The following SAA2 variants were observed in gnomAD, a reference collection of about 807,000 sequenced individuals.
SAA2 encodes the protein serum amyloid A2.
Under a neutral mutation model 9.1 loss-of-function variants are expected in SAA2, and 5 were observed. The observed-to-expected ratio is 0.55, with a 90% CI of 0.29 to 1.16. SAA2 has a LOEUF of 1.16. SAA2 is among the 50% of genes most tolerant of loss of function. The probability of loss-of-function intolerance (pLI) is 0.09; values close to 1 mark genes in which losing one functional copy is unlikely to be tolerated. For synonymous variants in SAA2, 49 were observed against 59.8 expected, an observed-to-expected ratio of 0.82 and a Z score of 0.83; for missense variants, 94 against 153.8, an observed-to-expected ratio of 0.61 and a Z score of 2.06.
downstream of SAA2, chr11:18,242,016 C>A (rs1857360033): frequency 1.3e-5 from 2 of 152,134 alleles, no homozygotes; most frequent in South Asian, 4.1e-4. Context: ...TTAAAAATAA[C>A]AAGCAGCTCA....
chr11:18,239,625 C>T (rs1209269870), exon 4 of SAA2: 5 of 416,744 alleles, frequency 1.2e-5, no homozygotes, highest in African/African-American at 4.1e-5. Flanking sequence ...GAATCTGATA[C>T]TACTAATCAA....
At chr11:18,243,274 C>T (rs1857400936), downstream of SAA2, among the ~76,000 whole-genome samples, 1 of 152,084 alleles carries the variant, frequency 6.6e-6, no homozygotes, top group South Asian at 2.1e-4. Flanking sequence ...TTTTGAATAT[C>T]TACAAAGACT....
In SAA2 at chr11:18,246,130, A is replaced by G. The variant is rs1264741068; in HGVS notation, c.92-82T>C. ...CACCTTAGAGGGGAATGAAAGAAGG[A>G]CAAATCTTCCACTGACTTCAAGCTT... On this transcript the variant is annotated intron_variant, in intron 2 of 3. Transcript: ENST00000256733. 24 of 1,496,464 alleles carry G rather than the reference A, an allele frequency of 1.6e-5. 6 individuals are homozygous for G. The highest frequency in any genetic ancestry group is 2.2e-5 in the Non-Finnish European group (24 of 1,097,598). The allele number at this position is 1,496,464 out of a possible 1,614,324, so 92.7% of individuals were successfully genotyped here. A position where few individuals can be genotyped will look rare whatever the true frequency, so the allele number is the denominator to read the frequency against.
chr11:18,246,325 C>G (rs1319818995), intron 2 of SAA2, among the ~76,000 whole-genome samples: 2 of 152,174 alleles, frequency 1.3e-5, no homozygotes, highest in Non-Finnish European at 2.9e-5. Context: ...AATACTGATG[C>G]TGAGAAAGGT....
downstream of SAA2, among the ~76,000 whole-genome samples, chr11:18,244,783 C>A (rs1008434530): frequency 1.3e-5 from 2 of 152,166 alleles, no homozygotes; most frequent in African/African-American, 2.4e-5. Context: ...AAGAGAACTG[C>A]ATTGGAGGTA....
chr11:18,247,912 A>G lies in SAA2; in HGVS notation c.91+9T>C. 1 of 1,613,928 alleles carries G rather than the reference A, an allele frequency of 6.2e-7. No homozygotes were observed. The highest frequency in any genetic ancestry group is 1.3e-5 in the African/African-American group (1 of 75,010). On this transcript the variant is annotated intron_variant, in intron 2 of 3. Coordinates refer to ENST00000256733, the MANE Select transcript of SAA2 (RefSeq NM_030754.5). ...CTTCAGAAATCCTGCAAACCTTCTG[A>G]AGCCTTACCATCAAAAGCCTCGCCA...
chr11:18,246,187 A>C (rs1179000247), intron 2 of SAA2, 139 bp from the exon 3 acceptor site: 32 of 1,367,882 alleles, frequency 2.3e-5, no homozygotes, highest in African/African-American at 2.9e-5. Flanking sequence ...CTTGGATACC[A>C]TGGGTTGAGA....
chr11:18,239,413 G>T, exon 4 of SAA2: 1 of 310,822 alleles, frequency 3.2e-6, no homozygotes, highest in Non-Finnish European at 5.9e-6. Flanking sequence ...TCTTCTAACT[G>T]CTAGTTTTTG....
At chr11:18,240,089 T>C (rs1231070137) in intron 3 of SAA2, 1 of 1,359,400 alleles carries the variant, frequency 7.4e-7, no homozygotes, top group Non-Finnish European at 1.0e-6. Context: ...TTATATACTA[T>C]TCTTCATAGG....
At chr11:18,247,144 G>T (rs1436672614) in intron 2 of SAA2, among the ~76,000 whole-genome samples, 5 of 152,276 alleles carry the variant, frequency 3.3e-5, no homozygotes, top group African/African-American at 4.8e-5. Context: ...CTGCCTCACA[G>T]AGTCATTCTG....
chr11:18,241,886 C>A (rs1320932685), downstream of SAA2, among the ~76,000 whole-genome samples: 2 of 151,984 alleles, frequency 1.3e-5, no homozygotes, highest in Non-Finnish European at 2.9e-5. Context: ...TGTACTTGTA[C>A]CCCCTAAATC....
chr11:18,241,303 A>G (rs1232534977), downstream of SAA2, among the ~76,000 whole-genome samples: 1 of 152,240 alleles, frequency 6.6e-6, no homozygotes, highest in Non-Finnish European at 1.5e-5. Flanking sequence ...CAATTAGTAC[A>G]GCCTCTGTGG....
At chr11:18,242,840 CT>C, downstream of SAA2, 1 of 701,446 alleles carries the variant, frequency 1.4e-6, no homozygotes. Flanking sequence ...GAGGGAGATG[CT>C]GTCTCAAATA....
chr11:18,242,768 C>G (rs1313862279), downstream of SAA2: 1 of 700,374 alleles, frequency 1.4e-6, no homozygotes, highest in Non-Finnish European at 2.6e-6. Flanking sequence ...ATCTCTTGAG[C>G]CCCGGGAGGT....
chr11:18,241,458 T>A (rs903870873), downstream of SAA2, among the ~76,000 whole-genome samples: 13 of 152,034 alleles, frequency 8.6e-5, no homozygotes, highest in African/African-American at 3.1e-4. Context: ...ACACTATTAT[T>A]CACAGTAGCA....
chr11:18,242,950 A>G (rs986066270), downstream of SAA2: 137 of 615,438 alleles, frequency 2.2e-4, no homozygotes, highest in African/African-American at 2.2e-3. Context: ...TACTGAGGAA[A>G]ACCAAGTAAT....
chr11:18,240,649 C>T (rs900851358), downstream of SAA2, among the ~76,000 whole-genome samples: 3 of 151,976 alleles, frequency 2.0e-5, no homozygotes, highest in Admixed American at 6.6e-5. Context: ...ATTCAATAAA[C>T]GGTGCTGATA....
At chr11:18,244,616 C>T (rs974852558), downstream of SAA2, among the ~76,000 whole-genome samples, 2 of 152,144 alleles carry the variant, frequency 1.3e-5, no homozygotes, top group Admixed American at 6.6e-5. Context: ...CCAAAGGGAC[C>T]CTGACTGATA....
downstream of SAA2, chr11:18,242,757 G>A: frequency 1.4e-6 from 1 of 700,126 alleles, no homozygotes. Context: ...GAAGTGGGAG[G>A]ATCTCTTGAG....
Sources: allele counts gnomAD v4.1 joint callset (sites outside exome capture counted in the v4.1 genomes callset), GRCh38; gene constraint gnomAD v4.1.1; transcripts MANE v1.5; gene names NCBI Gene and HGNC (gene_info 2026-07-23, HGNC 2026-07-21).